SH3RF3: variants seen among roughly 807,000 people sequenced by gnomAD.
SH3RF3 encodes E3 ubiquitin-protein ligase SH3RF3.
A neutral mutation model predicts 66.3 loss-of-function variants in SH3RF3; 29 were observed. The observed-to-expected ratio is 0.44, with a 90% CI of 0.33 to 0.60. The LOEUF is 0.60. SH3RF3 is among the 20% of genes least tolerant of loss of function. SH3RF3 has a pLI of 0.04. For missense variants in SH3RF3, 1,194 were observed against 1,190.9 expected (o/e 1.00, Z -0.04); for synonymous variants, 583 against 532.0 (o/e 1.10, Z -1.32).
chr2:109,421,524 A>G (rs1676878126), intron 5 of SH3RF3, among the ~76,000 whole-genome samples: 1 of 152,198 alleles, frequency 6.6e-6, no homozygotes, highest in Admixed American at 6.5e-5. Context: ...TCAACCATGG[A>G]CAAACCTCCA....
chr2:109,355,404 C>G (rs565521528), intron 2 of SH3RF3, among the ~76,000 whole-genome samples: 1 of 152,318 alleles, frequency 6.6e-6, no homozygotes, highest in African/African-American at 2.4e-5. Context: ...CTAGGACTCT[C>G]TGACCAAATC....
rs534885945 is a variant in SH3RF3 at position 109,260,972 on chromosome 2, G to A, written c.574-86702G>A. 3.3e-5 allele frequency among the ~76,000 whole-genome samples: 5 copies of A among 152,276 alleles called. No individual in the cohort carries two copies. In the South Asian group the frequency reaches 1.0e-3, roughly 32 times the overall value. Reference sequence around the variant, plus strand: ...GGCTGGACTGTTTGAGGTGTTCTCAGCCCCATGTGCCCTTCTCTGGATGGA... The same window carrying A: ...GGCTGGACTGTTTGAGGTGTTCTCAACCCCATGTGCCCTTCTCTGGATGGA... On this transcript the variant is annotated intron_variant, in intron 1 of 9. Coordinates refer to ENST00000309415, the MANE Select transcript of SH3RF3 (RefSeq NM_001099289.3).
intron 1 of SH3RF3, among the ~76,000 whole-genome samples, chr2:109,131,771 A>C (rs576901451): frequency 6.6e-6 from 1 of 152,302 alleles, no homozygotes; most frequent in Admixed American, 6.5e-5. Flanking sequence ...TACTCACCAT[A>C]TGTTGAGACC....
At chr2:109,330,151 A>G (rs527280665) in intron 1 of SH3RF3, among the ~76,000 whole-genome samples, 1 of 152,352 alleles carries the variant, frequency 6.6e-6, no homozygotes, top group South Asian at 2.1e-4. Flanking sequence ...GCTGTGAGAT[A>G]CTTAGAGGGA....
At chr2:109,166,667 G>A (rs1330692743) in intron 1 of SH3RF3, among the ~76,000 whole-genome samples, 1 of 152,138 alleles carries the variant, frequency 6.6e-6, no homozygotes, top group Admixed American at 6.6e-5. Context: ...GGAATCGAGG[G>A]AGCAGAAAAT....
At chr2:109,309,440 C>A (rs1345206945) in intron 1 of SH3RF3, among the ~76,000 whole-genome samples, 2 of 131,144 alleles carry the variant, frequency 1.5e-5, no homozygotes, top group Non-Finnish European at 3.1e-5. Flanking sequence ...GAAACTGCAT[C>A]AACTAACGAG....
intron 1 of SH3RF3, among the ~76,000 whole-genome samples, chr2:109,143,727 C>A (rs553670140): frequency 2.3e-4 from 35 of 152,170 alleles, no homozygotes; most frequent in Non-Finnish European, 4.9e-4. Flanking sequence ...GCACTCCAGC[C>A]TGGGCAACAG....
chr2:109,432,553 C>T lies in SH3RF3; in HGVS notation c.1456C>T (p.His486Tyr). Residue 486 changes from histidine (H) to tyrosine (Y), a missense_variant, in exon 6 of 10, where the codon CAC becomes TAC. Coordinates refer to ENST00000309415, the MANE Select transcript of SH3RF3 (RefSeq NM_001099289.3). The stretch of plus-strand genomic sequence containing the variant: ...CCAGAAGAGTGACGAGCTGGAGCTG[C>T]ACAAGGGAGAGATGTACCGGGTCCT... ...KPQKSDELEL[H>Y]KGEMYRVLEK... 1 of 1,613,736 alleles carries T rather than the reference C, an allele frequency of 6.2e-7. No homozygotes were observed. Among genetic ancestry groups the T allele is most frequent in the Non-Finnish European group, 8.5e-7 (1 of 1,179,814 alleles).
intron 1 of SH3RF3, among the ~76,000 whole-genome samples, chr2:109,139,567 T>A (rs1237115478): frequency 6.6e-6 from 1 of 152,216 alleles, no homozygotes; most frequent in Non-Finnish European, 1.5e-5. Context: ...TAAAAATTAA[T>A]TTAAAAATGT....
intron 1 of SH3RF3, among the ~76,000 whole-genome samples, chr2:109,340,222 G>A (rs1051945020): frequency 1.3e-5 from 2 of 152,160 alleles, no homozygotes; most frequent in African/African-American, 4.8e-5. Flanking sequence ...CAAGTTACTG[G>A]ACCTCACTGT....
rs182749900 is a variant in SH3RF3 at position 109,442,935 on chromosome 2, A to C, written c.1828+5789A>C. Among the ~76,000 whole-genome samples the C allele has an allele frequency of 3.5e-4, 53 of 152,286 alleles. No homozygotes were observed. The South Asian group carries it at 5.2e-3, about 15-fold the overall frequency. On this transcript the variant is annotated intron_variant, in intron 7 of 9. Coordinates refer to ENST00000309415, the MANE Select transcript of SH3RF3 (RefSeq NM_001099289.3). Reference sequence around the variant, plus strand: ...TTGTCACATATTACTAAAAACAAACAAAAAACCAACGATATGCTGTGAGTA... The same window carrying C: ...TTGTCACATATTACTAAAAACAAACCAAAAACCAACGATATGCTGTGAGTA...
chr2:109,486,387 A>G lies in SH3RF3; in HGVS notation c.2149-4218A>G, dbSNP rs114116691. On this transcript the variant is annotated intron_variant, in intron 8 of 9. Coordinates refer to ENST00000309415, the MANE Select transcript of SH3RF3 (RefSeq NM_001099289.3). Reference sequence around the variant, plus strand: ...CCCTCAGTGGTTCGGGTGCTCTCCCAAGGCAAGGCAGGTGGAGGTCTTGGA... The same window carrying G: ...CCCTCAGTGGTTCGGGTGCTCTCCCGAGGCAAGGCAGGTGGAGGTCTTGGA... Among the ~76,000 whole-genome samples, 839 of 152,344 alleles carry G rather than the reference A, an allele frequency of 5.5e-3. 4 individuals carry two copies. Among genetic ancestry groups the G allele is most frequent in the African/African-American group, 0.017 (711 of 41,586 alleles).
intron 1 of SH3RF3, among the ~76,000 whole-genome samples, chr2:109,229,974 G>A (rs1274970900): frequency 1.3e-5 from 2 of 151,878 alleles, no homozygotes; most frequent in East Asian, 3.9e-4. Flanking sequence ...ACAGGCGCAC[G>A]CCAGTATGCC....
At chr2:109,210,602 C>T (rs910952172) in intron 1 of SH3RF3, among the ~76,000 whole-genome samples, 5 of 152,088 alleles carry the variant, frequency 3.3e-5, no homozygotes, top group South Asian at 4.1e-4. Context: ...TGGATTGTGT[C>T]CAGCTCAGGG....
At chr2:109,177,559 C>G (rs1029079942) in intron 1 of SH3RF3, among the ~76,000 whole-genome samples, 2 of 151,596 alleles carry the variant, frequency 1.3e-5, no homozygotes, top group African/African-American at 2.4e-5. Context: ...TGGGGGGGGG[C>G]ACCATTCCTA....
In SH3RF3 at chr2:109,501,759, A is replaced by C; in HGVS notation, c.*88A>C. On this transcript the variant is annotated 3_prime_UTR_variant, in exon 10 of 10. Coordinates refer to ENST00000309415, the MANE Select transcript of SH3RF3 (RefSeq NM_001099289.3). ...ACAGAGAGGGAGCCATGGCGCCCCA[A>C]GGGTTCCAGGTCATCTCCAAGGCAC... The C allele has an allele frequency of 1.5e-6, 1 of 663,128 alleles. No homozygotes were observed. The highest frequency in any genetic ancestry group is 1.7e-5 in the South Asian group (1 of 60,606). 41.1% of individuals were successfully genotyped at this position (663,128 alleles called of 1,614,324 possible). A position where few individuals can be genotyped will look rare whatever the true frequency, so the allele number is the denominator to read the frequency against.
chr2:109,371,315 C>T lies in SH3RF3; in HGVS notation c.850-271C>T, dbSNP rs138935992. 7.4e-3 allele frequency among the ~76,000 whole-genome samples: 1,132 copies of T among 152,284 alleles called. 14 individuals carry two copies. Among genetic ancestry groups the T allele is most frequent in the African/African-American group, 0.026 (1,079 of 41,554 alleles). The stretch of plus-strand genomic sequence containing the variant: ...TGAGGCAGGAGAATCGCTTGAACCC[C>T]GGAGGCGGAGGCTGCAGTGAGCGGA... On this transcript the variant is annotated intron_variant, in intron 2 of 9. Coordinates refer to ENST00000309415, the MANE Select transcript of SH3RF3 (RefSeq NM_001099289.3).
chr2:109,371,510 C>G (rs1407198735), intron 2 of SH3RF3, 76 bp from the exon 3 acceptor site: 16 of 1,264,526 alleles, frequency 1.3e-5, no homozygotes, highest in Non-Finnish European at 1.8e-5. Context: ...CTCCACAGTA[C>G]TAACCAGTGT....
At chr2:109,288,887 G>A (rs72822692) in intron 1 of SH3RF3, among the ~76,000 whole-genome samples, 3,356 of 152,240 alleles carry the variant, frequency 0.022, 69 homozygotes, top group Non-Finnish European at 0.031. Context: ...TAAAGAAAGC[G>A]GCACCAGTGT....
Sources: allele counts gnomAD v4.1 joint callset (sites outside exome capture counted in the v4.1 genomes callset), GRCh38; gene constraint gnomAD v4.1.1; transcripts MANE v1.5; gene names NCBI Gene and HGNC (gene_info 2026-07-23, HGNC 2026-07-21).